The following VIRMA variants were observed in gnomAD, a reference collection of about 807,000 sequenced individuals.
The protein encoded by VIRMA is vir like m6A methyltransferase associated.
VIRMA carries 65 observed loss-of-function variants against 182.4 expected under a neutral mutation model. The ratio of observed to expected loss-of-function variants is 0.36; its 90% CI spans 0.29 to 0.44. VIRMA has a LOEUF of 0.44. Among genes scored for constraint, VIRMA ranks in the 20% least tolerant of loss-of-function variants. The pLI is 1.00. For synonymous variants in VIRMA, 709 were observed against 743.1 expected, an observed-to-expected ratio of 0.95 and a Z score of 0.75; for missense variants, 1,752 against 2,158.1, an observed-to-expected ratio of 0.81 and a Z score of 3.73.
In VIRMA at chr8:94,506,533, G is replaced by T. The variant is rs766596898; in HGVS notation, c.4064C>A (p.Ala1355Glu). The T allele has an allele frequency of 1.2e-6, 2 of 1,612,054 alleles. No individual in the cohort carries two copies. Among genetic ancestry groups the T allele is most frequent in the South Asian group, 1.1e-5 (1 of 90,986 alleles). ...LTCVRTMMFL[A>E]EHDYGLFHLK... ...ATGAAATAATCCATAATCATGCTCT[G>T]CAAGAAACATCATTGTTCTGACACA... is the stretch of plus-strand genomic sequence containing the variant. The change falls in exon 16 of 24, where the codon GCA (alanine) becomes GAA (glutamate). Residue 1355 changes from alanine to glutamate, a missense_variant. By Grantham distance (107) the Ala-to-Glu change is moderately radical (BLOSUM62 -1). Around this residue, in one of 11 missense-constraint regions of VIRMA, gnomAD observed 777 missense variants for 920.6 expected, o/e 0.84. Transcript: ENST00000297591.
chr8:94,507,915 G>GTATATA (rs1814223065), intron 15 of VIRMA, among the ~76,000 whole-genome samples: 1 of 76,400 alleles, frequency 1.3e-5, no homozygotes, highest in African/African-American at 4.5e-5. Flanking sequence ...ATATATGTAT[G>GTATATA]TGTATATATG....
At chr8:94,492,877 G>T in intron 20 of VIRMA, 59 bp from the exon 21 acceptor site, 1 of 1,327,654 alleles carries the variant, frequency 7.5e-7, no homozygotes, top group South Asian at 1.4e-5. Context: ...CATAACATTT[G>T]ACTACAGAAA....
intron 9 of VIRMA, among the ~76,000 whole-genome samples, 185 bp from the exon 10 acceptor site, chr8:94,518,127 TACTTA>T (rs1405271743): frequency 6.6e-6 from 1 of 152,204 alleles, no homozygotes; most frequent in African/African-American, 2.4e-5. Flanking sequence ...ACCATTACTT[TACTTA>T]AAAGTATATA....
At chr8:94,494,989 A>T in intron 19 of VIRMA, 33 bp from the exon 20 acceptor site, 1 of 1,429,086 alleles carries the variant, frequency 7.0e-7, no homozygotes, top group Non-Finnish European at 9.8e-7. Context: ...TGAAAAGCAG[A>T]ATTCTAAAAT....
Position 94,552,513 on chromosome 8 carries a change from G to T in VIRMA, c.63+872C>A, listed in dbSNP as rs551554813. Among the ~76,000 whole-genome samples, 6 of 150,286 alleles carry T rather than the reference G, an allele frequency of 4.0e-5. No individual in the cohort carries two copies. In the South Asian group the frequency reaches 1.3e-3, roughly 31 times the overall value. On this transcript the variant is annotated intron_variant, in intron 1 of 23. Coordinates refer to ENST00000297591, the MANE Select transcript of VIRMA (RefSeq NM_015496.5). ...TAAAAGGAAAAAAATAATCTCCAAA[G>T]AAAGAACAGTTCTCTAAATTAAGCT...
At chr8:94,489,916 T>C in intron 23 of VIRMA, 23 bp downstream of exon 23, 3 of 1,607,188 alleles carry the variant, frequency 1.9e-6, no homozygotes, top group Non-Finnish European at 2.5e-6. Flanking sequence ...CTCTCAGCAA[T>C]ATCAAGTAGC....
chr8:94,542,801 G>A (rs1200103236), intron 2 of VIRMA, among the ~76,000 whole-genome samples: 1 of 152,130 alleles, frequency 6.6e-6, no homozygotes, highest in Non-Finnish European at 1.5e-5. Flanking sequence ...TGCCTATGAA[G>A]ACTTTATACC....
chr8:94,551,076 T>C (rs1326005340), intron 1 of VIRMA, among the ~76,000 whole-genome samples: 1 of 152,186 alleles, frequency 6.6e-6, no homozygotes, highest in East Asian at 1.9e-4. Context: ...GTCTTTGAAT[T>C]GCCTTGGGTG....
Position 94,514,864 on chromosome 8 carries a change from C to G in VIRMA, c.2751+5G>C, listed in dbSNP as rs1563466353. 1 of 1,529,482 alleles carries G rather than the reference C, an allele frequency of 6.5e-7. No individual in the cohort carries two copies. The allele number at this position is 1,529,482 out of a possible 1,614,324, so 94.7% of individuals were successfully genotyped here. A position where few individuals can be genotyped will look rare whatever the true frequency, so the allele number is the denominator to read the frequency against. Reference sequence around the variant, plus strand: ...AGTCAAAGCACTTTTAAGTTTTACACTTACCTGCTTAACATACTCAATTAA... The same window carrying G: ...AGTCAAAGCACTTTTAAGTTTTACAGTTACCTGCTTAACATACTCAATTAA... On this transcript the variant is annotated splice_donor_5th_base_variant and intron_variant, in intron 11 of 23. Transcript: ENST00000297591.
At chr8:94,488,914 TATAA>T in intron 23 of VIRMA, 54 bp from the exon 24 acceptor site, 1 of 1,572,340 alleles carries the variant, frequency 6.4e-7, no homozygotes, top group Non-Finnish European at 8.7e-7. Context: ...TTTCCAAGAT[TATAA>T]ATACTAATCT....
chr8:94,519,597 CTG>C, intron 8 of VIRMA, 121 bp from the exon 9 acceptor site: 1 of 939,142 alleles, frequency 1.1e-6, no homozygotes, highest in South Asian at 2.5e-5. Context: ...CAGTAATATA[CTG>C]CTTTAACTGA....
At position 94,529,840 on chromosome 8, in the gene VIRMA, A is replaced by G. The variant is rs907680489; in HGVS notation, c.608-498T>C. Among the ~76,000 whole-genome samples the G allele has an allele frequency of 1.3e-4, 20 of 151,936 alleles. 1 individual carries two copies. The highest frequency in any genetic ancestry group is 4.8e-4 in the African/African-American group (20 of 41,374). ...TTTTTAGTAGAGATGGGGTTTCACT[A>G]TGTTGGCCAGGCTGGTCTCGAACTC... On this transcript the variant is annotated intron_variant, in intron 6 of 23. Transcript: ENST00000297591.
chr8:94,522,886 C>T (rs1023266215), intron 8 of VIRMA, among the ~76,000 whole-genome samples: 6 of 152,150 alleles, frequency 3.9e-5, no homozygotes, highest in African/African-American at 1.4e-4. Context: ...CCAAAATATT[C>T]AATACCTTTC....
chr8:94,540,461 C>CTTTTTTTTTTT (rs963429701), intron 2 of VIRMA, among the ~76,000 whole-genome samples: 1 of 128,632 alleles, frequency 7.8e-6, no homozygotes, highest in Non-Finnish European at 1.7e-5. Flanking sequence ...TTCTTCTTTT[C>CTTTTTTTTTTT]TTTTTTTTTT....
chr8:94,491,932 T>C (rs1402529760), intron 21 of VIRMA, 23 bp from the exon 22 acceptor site: 4 of 1,485,814 alleles, frequency 2.7e-6, no homozygotes, highest in South Asian at 2.9e-5. Flanking sequence ...AAACATGCCA[T>C]AAAACATTTT....
At chr8:94,548,991 A>G (rs1406460817) in intron 1 of VIRMA, among the ~76,000 whole-genome samples, 1 of 152,174 alleles carries the variant, frequency 6.6e-6, no homozygotes. Flanking sequence ...TCCTGGGCTC[A>G]AGTGATCCTC....
chr8:94,499,508 T>C lies in VIRMA; in HGVS notation c.4098-2A>G. The C allele has an allele frequency of 6.8e-7, 1 of 1,475,530 alleles. No homozygotes were observed. The highest frequency in any genetic ancestry group is 9.4e-7 in the Non-Finnish European group (1 of 1,069,228). The allele number at this position is 1,475,530 out of a possible 1,614,324, so 91.4% of individuals were successfully genotyped here. A position where few individuals can be genotyped will look rare whatever the true frequency, so the allele number is the denominator to read the frequency against. ...GCACTACTGTTTTTCCTTAAAGAAC[T>C]GTAAATAAAGAAAATAAAGAGAAGA... On this transcript the variant is annotated splice_acceptor_variant, in intron 16 of 23. Transcript: ENST00000297591. LOFTEE classifies it high-confidence loss of function.
chr8:94,547,778 A>G (rs1014451657), intron 1 of VIRMA, among the ~76,000 whole-genome samples: 11 of 150,670 alleles, frequency 7.3e-5, no homozygotes, highest in African/African-American at 2.2e-4. Flanking sequence ...TAGCATTAAT[A>G]TCGTAGCACT....
Position 94,510,573 on chromosome 8 carries a change from A to G in VIRMA, c.3470T>C (p.Leu1157Ser). ...WSMHLHVQAKLLQEIVRSFSG... is the reference protein window; with the variant it reads ...WSMHLHVQAKSLQEIVRSFSG... ...GAAAGAGCGAACTATTTCTTGGAGC[A>G]ACTTTGCTTGAACATGAAGGTGCAT... Residue 1157 changes from leucine (L) to serine (S), a missense_variant, in exon 14 of 24, where the codon TTG (leucine) becomes TCG (serine). Around this residue, in one of 11 missense-constraint regions of VIRMA, gnomAD observed 777 missense variants for 920.6 expected, o/e 0.84. Transcript: ENST00000297591. 6.2e-7 allele frequency: 1 copy of G among 1,614,168 alleles called. No homozygotes were observed. Among genetic ancestry groups the G allele is most frequent in the Non-Finnish European group, 8.5e-7 (1 of 1,180,014 alleles).
Sources: allele counts gnomAD v4.1 joint callset (sites outside exome capture counted in the v4.1 genomes callset), GRCh38; gene constraint gnomAD v4.1.1; regional missense constraint gnomAD v4.1.1; transcripts MANE v1.5; gene names NCBI Gene and HGNC (gene_info 2026-07-23, HGNC 2026-07-21).